Variants in CSMD1 observed in about 807,000 individuals in gnomAD.
The protein encoded by CSMD1 is CUB and sushi domain-containing protein 1.
A neutral mutation model predicts 417.5 loss-of-function variants in CSMD1; 213 were observed. That is an observed-to-expected ratio of 0.51 (90% CI 0.46 to 0.57). The LOEUF (loss-of-function observed/expected upper bound fraction) is 0.57. Among genes scored for constraint, CSMD1 ranks in the 20% least tolerant of loss-of-function variants. The pLI, the probability that CSMD1 is intolerant of heterozygous loss-of-function variation, is 0.00. For missense variants in CSMD1, 6,923 were observed against 4,529.7 expected (o/e 1.53, Z -15.17); for synonymous variants, 2,862 against 1,736.8 (o/e 1.65, Z -16.11).
intron 1 of CSMD1, among the ~76,000 whole-genome samples, chr8:4,816,946 T>G (rs1799242221): frequency 6.6e-6 from 1 of 152,132 alleles, no homozygotes; most frequent in African/African-American, 2.4e-5. Flanking sequence ...GGGAATTGCA[T>G]TGAAGGACAG....
chr8:3,590,700 T>C (rs1359582021), intron 8 of CSMD1, among the ~76,000 whole-genome samples: 2 of 152,160 alleles, frequency 1.3e-5, no homozygotes, highest in African/African-American at 2.4e-5. Context: ...AACCTCTTCA[T>C]TTGATTGCAG....
intron 25 of CSMD1, among the ~76,000 whole-genome samples, chr8:3,305,484 C>T (rs1804760213): frequency 6.6e-6 from 1 of 150,922 alleles, no homozygotes; most frequent in African/African-American, 2.4e-5. Flanking sequence ...ATGCTGTTAT[C>T]ATGGGAGTGG....
At chr8:4,131,258 G>C (rs1803085106) in intron 3 of CSMD1, among the ~76,000 whole-genome samples, 1 of 152,146 alleles carries the variant, frequency 6.6e-6, no homozygotes, top group South Asian at 2.1e-4. Flanking sequence ...AGAAAGGTAG[G>C]AGATGAACTG....
chr8:4,233,018 G>T (rs947434077), intron 3 of CSMD1, among the ~76,000 whole-genome samples: 1 of 152,142 alleles, frequency 6.6e-6, no homozygotes, highest in South Asian at 2.1e-4. Flanking sequence ...ATGTCTACAT[G>T]CACCTGCAGA....
intron 5 of CSMD1, among the ~76,000 whole-genome samples, chr8:3,905,775 C>A (rs774222570): frequency 6.6e-6 from 1 of 152,212 alleles, no homozygotes; most frequent in Non-Finnish European, 1.5e-5. Context: ...CTAAACCTTG[C>A]TCAGAATTCT....
intron 7 of CSMD1, among the ~76,000 whole-genome samples, chr8:3,626,640 T>C (rs1256151122): frequency 2.0e-5 from 3 of 151,600 alleles, no homozygotes; most frequent in South Asian, 2.1e-4. Flanking sequence ...AAGTTTCTTT[T>C]TGATTATAGT....
At chr8:3,047,878 A>T (rs1433999586) in intron 50 of CSMD1, among the ~76,000 whole-genome samples, 2 of 152,228 alleles carry the variant, frequency 1.3e-5, no homozygotes, top group African/African-American at 2.4e-5. Flanking sequence ...AATATGGCTC[A>T]TAGGGACATA....
chr8:3,001,638 C>T (rs76349131), intron 52 of CSMD1, among the ~76,000 whole-genome samples: 1 of 152,088 alleles, frequency 6.6e-6, no homozygotes, highest in Non-Finnish European at 1.5e-5. Context: ...AGGAATTTTG[C>T]AATAAAGTGA....
chr8:4,046,778 G>A (rs143238057), intron 3 of CSMD1, among the ~76,000 whole-genome samples: 2 of 152,162 alleles, frequency 1.3e-5, no homozygotes, highest in East Asian at 3.9e-4. Context: ...TGTAATTAAT[G>A]CACAGCCTGG....
At chr8:3,012,329 A>G (rs1344682025) in intron 52 of CSMD1, among the ~76,000 whole-genome samples, 4 of 152,180 alleles carry the variant, frequency 2.6e-5, no homozygotes, top group African/African-American at 9.7e-5. Flanking sequence ...CAGCTGTCCT[A>G]TAGTTGACAT....
chr8:3,318,038 T>A (rs569057772), intron 23 of CSMD1, among the ~76,000 whole-genome samples: 1 of 152,312 alleles, frequency 6.6e-6, no homozygotes, highest in South Asian at 2.1e-4. Context: ...TGGGTTCAAG[T>A]GATCTGCCCA....
At chr8:4,680,843 G>C (rs1003324292) in intron 1 of CSMD1, among the ~76,000 whole-genome samples, 1 of 152,028 alleles carries the variant, frequency 6.6e-6, no homozygotes, top group African/African-American at 2.4e-5. Context: ...GCCTCCCAAA[G>C]TGTTGGGATT....
intron 8 of CSMD1, among the ~76,000 whole-genome samples, chr8:3,602,273 G>C (rs1046533574): frequency 6.6e-6 from 1 of 152,112 alleles, no homozygotes; most frequent in Non-Finnish European, 1.5e-5. Flanking sequence ...ACAGTTTAGA[G>C]TCCCCAGGAA....
intron 34 of CSMD1, among the ~76,000 whole-genome samples, chr8:3,189,566 A>G (rs567902646): frequency 6.6e-6 from 1 of 152,326 alleles, no homozygotes; most frequent in East Asian, 1.9e-4. Context: ...ATCAGCACCA[A>G]TTTATTAAAA....
chr8:4,127,475 A>G (rs1352714988), intron 3 of CSMD1, among the ~76,000 whole-genome samples: 8 of 113,800 alleles, frequency 7.0e-5, no homozygotes, highest in Middle Eastern at 4.8e-3. Flanking sequence ...AAAAAAAAAA[A>G]AAAAGAAAAT....
At chr8:3,978,087 G>A (rs554826692) in intron 5 of CSMD1, among the ~76,000 whole-genome samples, 3 of 152,190 alleles carry the variant, frequency 2.0e-5, no homozygotes, top group Non-Finnish European at 2.9e-5. Context: ...GAAACTCGGT[G>A]TCTGTGAGAA....
intron 2 of CSMD1, among the ~76,000 whole-genome samples, chr8:4,633,370 C>A (rs367630375): frequency 2.4e-3 from 370 of 151,900 alleles, no homozygotes; most frequent in African/African-American, 8.6e-3. Flanking sequence ...CCTCACCCTC[C>A]CTAGTAGCTG....
intron 10 of CSMD1, among the ~76,000 whole-genome samples, chr8:3,498,837 T>C (rs1796473988): frequency 6.6e-6 from 1 of 152,212 alleles, no homozygotes; most frequent in Non-Finnish European, 1.5e-5. Flanking sequence ...TTTCAAGACT[T>C]CTGCTTAGTT....
intron 5 of CSMD1, among the ~76,000 whole-genome samples, chr8:3,813,284 T>C (rs1207801868): frequency 6.6e-6 from 1 of 152,104 alleles, no homozygotes; most frequent in Non-Finnish European, 1.5e-5. Flanking sequence ...GCAAATACAT[T>C]TAATTGTATA....
Sources: gnomAD v4.1 joint callset for allele counts (sites outside exome capture counted in the v4.1 genomes callset) on GRCh38, gnomAD v4.1.1 for gene constraint, MANE v1.5 for transcripts, NCBI Gene and HGNC (gene_info 2026-07-23, HGNC 2026-07-21) for gene names.